FGD5: variants seen among roughly 807,000 people sequenced by gnomAD.
The protein encoded by FGD5 is FYVE, RhoGEF and PH domain-containing protein 5.
A neutral mutation model predicts 133.4 loss-of-function variants in FGD5; 28 were observed. The ratio of observed to expected loss-of-function variants is 0.21; its 90% CI spans 0.16 to 0.29. FGD5 has a LOEUF of 0.29. Ranked by LOEUF, FGD5 falls within the 10% of genes least tolerant of loss-of-function variation. The pLI, the probability that FGD5 is intolerant of heterozygous loss-of-function variation, is 1.00. For missense variants in FGD5, 1,858 were observed against 1,895.2 expected, an observed-to-expected ratio of 0.98 and a Z score of 0.36; for synonymous variants, 810 against 776.5, an observed-to-expected ratio of 1.04 and a Z score of -0.72.
intron 2 of FGD5, among the ~76,000 whole-genome samples, chr3:14,878,408 T>C (rs1405313199): frequency 6.6e-6 from 1 of 152,228 alleles, no homozygotes; most frequent in African/African-American, 2.4e-5. Context: ...TTTCCCTTAC[T>C]CGATTCTATA....
intron 1 of FGD5, among the ~76,000 whole-genome samples, chr3:14,850,269 G>T (rs1302726443): frequency 6.6e-6 from 1 of 152,224 alleles, no homozygotes; most frequent in East Asian, 1.9e-4. Flanking sequence ...AACCAAGGCA[G>T]TCCCCACCAC....
intron 18 of FGD5, chr3:14,931,290 C>T (rs1357227593): frequency 6.6e-6 from 1 of 152,136 alleles, no homozygotes; most frequent in African/African-American, 2.4e-5. Context: ...TGAATTTTGT[C>T]AAAGGCTTTT....
intron 9 of FGD5, among the ~76,000 whole-genome samples, chr3:14,902,339 C>T (rs1348535018): frequency 6.7e-6 from 1 of 149,226 alleles, no homozygotes; most frequent in Non-Finnish European, 1.5e-5. Flanking sequence ...GATTTGCACA[C>T]ATGCCAGGAA....
At chr3:14,836,928 A>G (rs769633130) in intron 1 of FGD5, among the ~76,000 whole-genome samples, 2 of 152,228 alleles carry the variant, frequency 1.3e-5, no homozygotes. Flanking sequence ...TGCGACCTGA[A>G]GAAGGGAAGG....
chr3:14,892,160 C>T (rs1335277520), intron 4 of FGD5, among the ~76,000 whole-genome samples: 2 of 151,810 alleles, frequency 1.3e-5, no homozygotes, highest in African/African-American at 4.8e-5. Context: ...CTCTCAGGCA[C>T]TTTCTACTTT....
intron 4 of FGD5, among the ~76,000 whole-genome samples, chr3:14,881,218 G>T (rs1195633430): frequency 2.0e-5 from 3 of 152,162 alleles, no homozygotes; most frequent in Admixed American, 1.3e-4. Context: ...AGTCTCCTTA[G>T]TGTCAGGGTG....
rs150376596 is a variant in FGD5, at chr3:14,892,705, G to T, written c.2749-4804G>T. Among the ~76,000 whole-genome samples, 9 of 152,216 alleles carry T rather than the reference G, an allele frequency of 5.9e-5. No homozygotes were observed. The East Asian group carries it at 1.7e-3, about 29-fold the overall frequency. ...GTGGCAGCAGGTGCCTGTAATCTCA[G>T]GTATTCAGAAGGCTGAGACAGGAGA... On this transcript the variant is annotated intron_variant, in intron 4 of 19. Coordinates refer to ENST00000285046, the MANE Select transcript of FGD5 (RefSeq NM_152536.4).
rs375301889 is a variant in FGD5, at chr3:14,819,017, C to G, written c.-55C>G. ...CTACCAGTCCACTGACGCCAGTGAC[C>G]GCGCCCAAATTCCCTTCCTCAGCCA... On this transcript the variant is annotated 5_prime_UTR_variant, in exon 1 of 20. Transcript: ENST00000285046. This position sits in a 1 kb window ranked among gnomAD's most constrained non-coding sequence, Gnocchi z 4.1. 29 of 1,486,322 alleles carry G rather than the reference C, an allele frequency of 2.0e-5. No homozygotes were observed. The highest frequency in any genetic ancestry group is 1.6e-4 in the South Asian group (12 of 74,376). The allele number at this position is 1,486,322 out of a possible 1,614,324, so 92.1% of individuals were successfully genotyped here. A position where few individuals can be genotyped will look rare whatever the true frequency, so the allele number is the denominator to read the frequency against.
upstream of FGD5, among the ~76,000 whole-genome samples, chr3:14,816,998 C>T (rs571630230): frequency 1.1e-4 from 16 of 152,142 alleles, no homozygotes; most frequent in Admixed American, 7.9e-4. Context: ...AGCCACCAGC[C>T]GCATGTGGCT....
chr3:14,874,231 A>G lies in FGD5; in HGVS notation c.2659-6341A>G, dbSNP rs373379634. Among the ~76,000 whole-genome samples, 99 of 152,284 alleles carry G rather than the reference A, an allele frequency of 6.5e-4. 2 individuals carry two copies. In the South Asian group the frequency reaches 0.02, roughly 30 times the overall value. ...AGTGCACTTACATGAGGTGTCTAAA[A>G]TATAGGGCCAGGCATGGTGGCTCAT... is the stretch of plus-strand genomic sequence containing the variant. On this transcript the variant is annotated intron_variant, in intron 2 of 19. Transcript: ENST00000285046.
chr3:14,922,671 TCA>T lies in FGD5; in HGVS notation c.3807+127_3807+128del. 7.5e-7 allele frequency: 1 copy of T among 1,329,762 alleles called. No individual in the cohort carries two copies. Among genetic ancestry groups the T allele is most frequent in the Non-Finnish European group, 1.0e-6 (1 of 982,748 alleles). The allele number at this position is 1,329,762 out of a possible 1,614,324, so 82.4% of individuals were successfully genotyped here. A position where few individuals can be genotyped will look rare whatever the true frequency, so the allele number is the denominator to read the frequency against. On this transcript the variant is annotated intron_variant, in intron 15 of 19. Transcript: ENST00000285046. This position sits in a 1 kb window ranked among gnomAD's most constrained non-coding sequence, Gnocchi z 4.1. The stretch of plus-strand genomic sequence containing the variant: ...CTGTAAGCCCCAGAGTGAGGCATGT[TCA>T]CACCAACCCGAGAGGAACAGATTGC...
rs1229366501 is a variant in FGD5 at position 14,810,936 on chromosome 3, A to G, written c.13+71A>G. The G allele has an allele frequency of 4.1e-6, 4 of 981,510 alleles. No homozygotes were observed. The African/African-American group carries it at 7.0e-5, about 17-fold the overall frequency. 60.8% of individuals were successfully genotyped at this position (981,510 alleles called of 1,614,324 possible). On this transcript the variant is annotated intron_variant, in intron 1 of 1. Coordinates refer to the FGD5 transcript ENST00000640506. The stretch of plus-strand genomic sequence containing the variant: ...ACCCCGGCCGGGCGCTCCAAGTTGG[A>G]GCTCCCGGGGAGCCCGGGGCTAGCT...
chr3:14,839,231 C>T (rs2036871045), intron 1 of FGD5, among the ~76,000 whole-genome samples: 1 of 152,216 alleles, frequency 6.6e-6, no homozygotes, highest in Non-Finnish European at 1.5e-5. Context: ...TTCATTTAAC[C>T]TTCCTGAGCC....
intron 17 of FGD5, among the ~76,000 whole-genome samples, chr3:14,924,472 C>T (rs1339572836): frequency 1.3e-5 from 2 of 152,302 alleles, no homozygotes; most frequent in East Asian, 3.9e-4. Flanking sequence ...GTTGGTCCTT[C>T]CATGTCATCC....
rs573728011 is a variant in FGD5 at position 14,861,454 on chromosome 3, A to G, written c.2526-2674A>G. On this transcript the variant is annotated intron_variant, in intron 1 of 19. Transcript: ENST00000285046. ...AAAATAACAACAAAAGCAAAGGCCC[A>G]CCCAAGACCCAACTCCACATATCAC... 3.9e-5 allele frequency among the ~76,000 whole-genome samples: 6 copies of G among 152,280 alleles called. No homozygotes were observed. The East Asian group carries it at 9.6e-4, about 24-fold the overall frequency.
Position 14,924,061 on chromosome 3 carries a change from G to A in FGD5, c.3991G>A (p.Ala1331Thr). ...PLSSPRFSGSAFSSVFQSINP... is the reference protein window; with the variant it reads ...PLSSPRFSGSTFSSVFQSINP... ...GTCTTCACCCCGCTTCTCGGGCAGT[G>A]CCTTTTCATCCGTCTTCCAGAGCAT... Residue 1331 changes from alanine (A) to threonine (T), a missense_variant, in exon 17 of 20, where the codon GCC becomes ACC. Around this residue, in one of 3 missense-constraint regions of FGD5, gnomAD observed 1,824 missense variants for 1,848.9 expected, o/e 0.99. Transcript: ENST00000285046. 1 of 1,614,012 alleles carries A rather than the reference G, an allele frequency of 6.2e-7. No homozygotes were observed. The highest frequency in any genetic ancestry group is 8.5e-7 in the Non-Finnish European group (1 of 1,179,904).
rs2038742264 is a variant in FGD5, at chr3:14,924,091, C to A, written c.4021C>A (p.Pro1341Thr). The stretch of plus-strand genomic sequence containing the variant: ...TTCATCCGTCTTCCAGAGCATTAAC[C>A]CCTCGACCTTCAAGAAGCAGAAGAA... The part of the protein sequence containing the change: ...AFSSVFQSIN[P>T]STFKKQKKVP... The change falls in exon 17 of 20, where the codon CCC becomes ACC. Residue 1341 changes from proline to threonine, a missense_variant. Pro to Thr is a conservative substitution (Grantham distance 38). Transcript: ENST00000285046. 4.3e-6 allele frequency: 7 copies of A among 1,613,888 alleles called. No homozygotes were observed. The South Asian group carries it at 7.7e-5, about 18-fold the overall frequency.
chr3:14,916,142 G>C (rs936872689), intron 11 of FGD5, among the ~76,000 whole-genome samples: 1 of 152,360 alleles, frequency 6.6e-6, no homozygotes, highest in East Asian at 1.9e-4. Context: ...CTCACCCCAG[G>C]TTAATGTTGG....
chr3:14,870,756 C>T (rs1165411536), intron 2 of FGD5, among the ~76,000 whole-genome samples: 2 of 152,236 alleles, frequency 1.3e-5, no homozygotes, highest in East Asian at 1.9e-4. Flanking sequence ...CTTTAGGGAC[C>T]TTCTTGGAAG....
Sources: allele counts gnomAD v4.1 joint callset (sites outside exome capture counted in the v4.1 genomes callset), GRCh38; gene constraint gnomAD v4.1.1; regional missense constraint gnomAD v4.1.1; non-coding constraint Gnocchi (gnomAD v3.1); transcripts MANE v1.5; gene names NCBI Gene and HGNC (gene_info 2026-07-23, HGNC 2026-07-21).